Variants in SHROOM3 observed in about 807,000 individuals in gnomAD.
SHROOM3 encodes the protein protein Shroom3.
Under a neutral mutation model 138.6 loss-of-function variants are expected in SHROOM3, and 47 were observed. That is an observed-to-expected ratio of 0.34 (90% CI 0.27 to 0.43). The LOEUF is 0.43. Among genes scored for constraint, SHROOM3 ranks in the 20% least tolerant of loss-of-function variants. The pLI is 1.00. For missense variants in SHROOM3, 2,491 were observed against 2,596.5 expected, an observed-to-expected ratio of 0.96 and a Z score of 0.88; for synonymous variants, 1,062 against 1,063.3, an observed-to-expected ratio of 1.00 and a Z score of 0.02.
intron 10 of SHROOM3, among the ~76,000 whole-genome samples, chr4:76,771,231 A>C (rs1168724747): frequency 2.0e-5 from 3 of 152,110 alleles, no homozygotes; most frequent in Non-Finnish European, 4.4e-5. Flanking sequence ...TACAAAAATT[A>C]GCCAGGCACC....
At chr4:76,720,492 A>T (rs1379537740) in intron 3 of SHROOM3, among the ~76,000 whole-genome samples, 1 of 152,018 alleles carries the variant, frequency 6.6e-6, no homozygotes, top group South Asian at 2.1e-4. Flanking sequence ...TGTTTTTATC[A>T]TTAGTATTTG....
At chr4:76,537,005 C>A (rs548770491) in intron 1 of SHROOM3, among the ~76,000 whole-genome samples, 1 of 151,970 alleles carries the variant, frequency 6.6e-6, no homozygotes, top group Non-Finnish European at 1.5e-5. Context: ...CCCAGCTACT[C>A]GGGAGGCTGA....
rs756609039 is a variant in SHROOM3, at chr4:76,754,304, G to A, written c.3828-7G>A. The A allele has an allele frequency of 9.9e-6, 16 of 1,614,014 alleles. No homozygotes were observed. Among genetic ancestry groups the A allele is most frequent in the African/African-American group, 2.7e-5 (2 of 74,908 alleles). ...GCTGTAACCCTCCTGTCTGTGTGCC[G>A]TTCCAGGTCACTCAGTTGTTCAGAA... is the stretch of plus-strand genomic sequence containing the variant. On this transcript the variant is annotated splice_region_variant and splice_polypyrimidine_tract_variant and intron_variant, in intron 6 of 10. Coordinates refer to ENST00000296043, the MANE Select transcript of SHROOM3 (RefSeq NM_020859.4).
intron 1 of SHROOM3, among the ~76,000 whole-genome samples, chr4:76,507,843 C>T (rs998165892): frequency 6.6e-6 from 1 of 152,024 alleles, no homozygotes; most frequent in Admixed American, 6.6e-5. Flanking sequence ...CATGCCTGGC[C>T]GGTCGTTTGT....
chr4:76,718,060 T>A (rs1431276832), intron 3 of SHROOM3, among the ~76,000 whole-genome samples: 1 of 152,248 alleles, frequency 6.6e-6, no homozygotes, highest in Non-Finnish European at 1.5e-5. Flanking sequence ...GTCGTGGTAA[T>A]GTTCTAGCTC....
chr4:76,467,537 G>A (rs1367259351), intron 1 of SHROOM3, among the ~76,000 whole-genome samples: 1 of 152,168 alleles, frequency 6.6e-6, no homozygotes. Flanking sequence ...ACTCACACAT[G>A]AGACAGCTAA....
chr4:76,681,778 C>T (rs1190470648), intron 2 of SHROOM3, among the ~76,000 whole-genome samples: 1 of 152,034 alleles, frequency 6.6e-6, no homozygotes, highest in Non-Finnish European at 1.5e-5. Context: ...TTACCAGAAA[C>T]AATTTGCCTC....
At chr4:76,579,834 A>G (rs1734014110) in intron 2 of SHROOM3, among the ~76,000 whole-genome samples, 1 of 152,198 alleles carries the variant, frequency 6.6e-6, no homozygotes, top group African/African-American at 2.4e-5. Flanking sequence ...CCACTGAAGA[A>G]CTGGTTGATG....
chr4:76,503,167 CCACACACA>C (rs111393161), intron 1 of SHROOM3, among the ~76,000 whole-genome samples: 1 of 145,830 alleles, frequency 6.9e-6, no homozygotes, highest in Non-Finnish European at 1.5e-5. Context: ...TTGTCAACTT[CCACACACA>C]CACACACACA....
intron 1 of SHROOM3, among the ~76,000 whole-genome samples, chr4:76,488,474 T>C (rs1186406659): frequency 6.6e-6 from 1 of 152,218 alleles, no homozygotes; most frequent in Non-Finnish European, 1.5e-5. Context: ...GGGAACATTG[T>C]TTCATTGGAG....
chr4:76,501,884 C>A (rs1052308810), intron 1 of SHROOM3, among the ~76,000 whole-genome samples: 1 of 152,108 alleles, frequency 6.6e-6, no homozygotes, highest in Non-Finnish European at 1.5e-5. Context: ...TCATCTGTAT[C>A]CTTTATTATA....
intron 1 of SHROOM3, among the ~76,000 whole-genome samples, chr4:76,472,780 C>T (rs958775224): frequency 2.0e-5 from 3 of 152,042 alleles, no homozygotes; most frequent in East Asian, 3.9e-4. Context: ...CTGCAACCTC[C>T]GTGTCCTGGG....
At chr4:76,710,316 G>A in intron 3 of SHROOM3, 29 bp downstream of exon 3, 1 of 1,613,046 alleles carries the variant, frequency 6.2e-7, no homozygotes, top group Middle Eastern at 1.7e-4. Context: ...GGTGCTGGCA[G>A]TTCGGAAAAA....
At chr4:76,705,578 C>G (rs1040495320) in intron 2 of SHROOM3, among the ~76,000 whole-genome samples, 7 of 152,142 alleles carry the variant, frequency 4.6e-5, no homozygotes, top group African/African-American at 1.7e-4. Flanking sequence ...GCAGGCAGAG[C>G]AAATATGAAT....
chr4:76,606,384 A>G (rs1463963418), intron 2 of SHROOM3, among the ~76,000 whole-genome samples: 1 of 151,692 alleles, frequency 6.6e-6, no homozygotes, highest in Admixed American at 6.6e-5. Context: ...GGTGCATGTT[A>G]GCTACTCTGA....
chr4:76,638,635 C>G (rs1336834989), intron 2 of SHROOM3, among the ~76,000 whole-genome samples: 1 of 152,148 alleles, frequency 6.6e-6, no homozygotes, highest in Non-Finnish European at 1.5e-5. Flanking sequence ...AGCTAGCAGA[C>G]CAAATGGGTT....
At chr4:76,643,334 GTAT>G (rs1371028662) in intron 2 of SHROOM3, among the ~76,000 whole-genome samples, 1 of 151,914 alleles carries the variant, frequency 6.6e-6, no homozygotes, top group Non-Finnish European at 1.5e-5. Context: ...CCCCTTTGTA[GTAT>G]TATTATTGGC....
At chr4:76,742,249 G>GTT in intron 5 of SHROOM3, 1 of 341,652 alleles carries the variant, frequency 2.9e-6, no homozygotes, top group Admixed American at 4.3e-5. Flanking sequence ...TTTGTTTTTT[G>GTT]CTTTTTTTTT....
chr4:76,441,082 A>ATTTGTTTTTTT (rs1730659620), intron 1 of SHROOM3, among the ~76,000 whole-genome samples: 8 of 55,962 alleles, frequency 1.4e-4, no homozygotes, highest in African/African-American at 4.0e-4. Flanking sequence ...CCTGAGTTCA[A>ATTTGTTTTTTT]TTTGTTTTTT....
Sources: gnomAD v4.1 joint callset for allele counts (sites outside exome capture counted in the v4.1 genomes callset) on GRCh38, gnomAD v4.1.1 for gene constraint, MANE v1.5 for transcripts, NCBI Gene and HGNC (gene_info 2026-07-23, HGNC 2026-07-21) for gene names.